ACMSD: variants seen among roughly 807,000 people sequenced by gnomAD.
ACMSD encodes 2-amino-3-carboxymuconate-6-semialdehyde decarboxylase.
ACMSD carries 37 observed loss-of-function variants against 45.9 expected under a neutral mutation model. The ratio of observed to expected loss-of-function variants is 0.81; its 90% CI spans 0.62 to 1.06. The LOEUF (loss-of-function observed/expected upper bound fraction) is 1.06, where lower values mean the gene tolerates loss of function less well. Ranked by LOEUF, ACMSD falls within the 50% of genes least tolerant of loss-of-function variation. The probability of loss-of-function intolerance (pLI) is 0.00; values close to 1 mark genes in which losing one functional copy is unlikely to be tolerated. For synonymous variants in ACMSD, 138 were observed against 148.8 expected (o/e 0.93, Z 0.53); for missense variants, 434 against 420.9 (o/e 1.03, Z -0.27).
At chr2:134,847,692 G>A (rs1310760304) in intron 2 of ACMSD, among the ~76,000 whole-genome samples, 4 of 152,016 alleles carry the variant, frequency 2.6e-5, no homozygotes, top group South Asian at 2.1e-4. Flanking sequence ...TCCCACTTAT[G>A]AGTGAGAACA....
chr2:134,839,873 G>C (rs929081428), intron 1 of ACMSD, among the ~76,000 whole-genome samples: 1 of 152,084 alleles, frequency 6.6e-6, no homozygotes, highest in African/African-American at 2.4e-5. Context: ...ATAGTTTACT[G>C]AAGTGTAAAC....
chr2:134,890,301 G>C (rs1689702133), intron 8 of ACMSD, among the ~76,000 whole-genome samples: 2 of 151,986 alleles, frequency 1.3e-5, no homozygotes, highest in East Asian at 1.9e-4. Context: ...TGCGTAATTT[G>C]TACACAATCA....
chr2:134,859,127 G>C (rs115858143), intron 2 of ACMSD, 134 bp from the exon 3 acceptor site: 430 of 748,146 alleles, frequency 5.7e-4, no homozygotes, highest in Non-Finnish European at 8.8e-4. Flanking sequence ...TTAAATTACT[G>C]ATTTCTACTT....
chr2:134,878,081 T>G (rs1688846678), intron 8 of ACMSD, among the ~76,000 whole-genome samples: 1 of 152,192 alleles, frequency 6.6e-6, no homozygotes, highest in Non-Finnish European at 1.5e-5. Flanking sequence ...AGGCTCCTCA[T>G]GTATACTTTC....
chr2:134,866,394 G>C (rs1688098034), intron 5 of ACMSD, among the ~76,000 whole-genome samples: 1 of 152,070 alleles, frequency 6.6e-6, no homozygotes, highest in Admixed American at 6.5e-5. Context: ...ATGCACCTTT[G>C]CCAAACCCAA....
intron 5 of ACMSD, among the ~76,000 whole-genome samples, chr2:134,867,037 G>A (rs1034060595): frequency 3.3e-5 from 5 of 152,216 alleles, no homozygotes; most frequent in African/African-American, 1.2e-4. Flanking sequence ...GGTCAGGCCA[G>A]CCAGCCCCAG....
chr2:134,847,062 G>C (rs1199428485), intron 2 of ACMSD, among the ~76,000 whole-genome samples: 3 of 152,192 alleles, frequency 2.0e-5, no homozygotes, highest in Non-Finnish European at 4.4e-5. Flanking sequence ...GAAAGGGGGA[G>C]ATAGTAGGAA....
chr2:134,872,666 G>T (rs1418759142), intron 8 of ACMSD, 25 bp downstream of exon 8: 2 of 1,613,428 alleles, frequency 1.2e-6, no homozygotes, highest in African/African-American at 1.3e-5. Context: ...CCACTTGGAT[G>T]GCTTATGGGG....
intron 2 of ACMSD, among the ~76,000 whole-genome samples, chr2:134,853,117 C>G (rs1439008048): frequency 6.8e-6 from 1 of 147,462 alleles, no homozygotes; most frequent in African/African-American, 2.5e-5. Flanking sequence ...GAGCCGAGAT[C>G]GCACCACTAC....
intron 8 of ACMSD, among the ~76,000 whole-genome samples, chr2:134,883,827 T>C (rs1689175661): frequency 2.0e-5 from 3 of 152,286 alleles, no homozygotes; most frequent in South Asian, 4.1e-4. Flanking sequence ...AAGTATTTAT[T>C]AGGCATCAAT....
chr2:134,839,009 A>G (rs1476838515), intron 1 of ACMSD, among the ~76,000 whole-genome samples: 1 of 152,216 alleles, frequency 6.6e-6, no homozygotes, highest in Non-Finnish European at 1.5e-5. Context: ...CAATTTAAAT[A>G]AGGCAGATTT....
chr2:134,895,054 C>G (rs1437663949), intron 8 of ACMSD, among the ~76,000 whole-genome samples: 1 of 151,798 alleles, frequency 6.6e-6, no homozygotes, highest in East Asian at 1.9e-4. Flanking sequence ...TGCTGTAATC[C>G]AAGCACTTTG....
intron 1 of ACMSD, among the ~76,000 whole-genome samples, chr2:134,844,818 T>C (rs1297316839): frequency 1.3e-5 from 2 of 151,872 alleles, no homozygotes; most frequent in Non-Finnish European, 2.9e-5. Flanking sequence ...CCCTATCCAC[T>C]AAACTGATAT....
intron 8 of ACMSD, among the ~76,000 whole-genome samples, chr2:134,894,097 A>C (rs1689952331): frequency 6.6e-6 from 1 of 152,150 alleles, no homozygotes; most frequent in Non-Finnish European, 1.5e-5. Flanking sequence ...CCAAGCAAGC[A>C]GAAAAATATA....
At chr2:134,843,099 C>A (rs899168324) in intron 1 of ACMSD, among the ~76,000 whole-genome samples, 12 of 152,312 alleles carry the variant, frequency 7.9e-5, no homozygotes, top group African/African-American at 1.2e-4. Flanking sequence ...GTCTTAAGTT[C>A]ACTCTAAAGT....
At position 134,863,718 on chromosome 2, in the gene ACMSD, C is replaced by T. The variant is rs892017407; in HGVS notation, c.486+87C>T. ...GGGTGCTGGCAGGGAGGAGGTGAAGCGTCACCCCACTGGGAGGGGAGAGCG... is the reference window on the plus strand; with the variant it reads ...GGGTGCTGGCAGGGAGGAGGTGAAGTGTCACCCCACTGGGAGGGGAGAGCG... On this transcript the variant is annotated intron_variant, in intron 5 of 9. Coordinates refer to ENST00000356140, the MANE Select transcript of ACMSD (RefSeq NM_138326.3). 108 of 1,354,234 alleles carry T rather than the reference C, an allele frequency of 8.0e-5. 1 individual carries two copies. In the South Asian group the frequency reaches 1.0e-3, roughly 13 times the overall value. 83.9% of individuals were successfully genotyped at this position (1,354,234 alleles called of 1,614,324 possible). A position where few individuals can be genotyped will look rare whatever the true frequency, so the allele number is the denominator to read the frequency against.
Position 134,898,446 on chromosome 2 carries a change from T to A in ACMSD, c.948+7T>A. The stretch of plus-strand genomic sequence containing the variant: ...ATTTGATGAAGAAACAAAGGTATAA[T>A]GTCTTTTACTTCACGGCTTTCTTAC... On this transcript the variant is annotated splice_region_variant and intron_variant, in intron 9 of 9. Transcript: ENST00000356140. 1 of 1,563,386 alleles carries A rather than the reference T, an allele frequency of 6.4e-7. No homozygotes were observed. Among genetic ancestry groups the A allele is most frequent in the Non-Finnish European group, 8.6e-7 (1 of 1,157,208 alleles).
chr2:134,859,400 G>A (rs751052499), intron 3 of ACMSD, 43 bp downstream of exon 3: 1 of 1,580,148 alleles, frequency 6.3e-7, no homozygotes, highest in South Asian at 1.1e-5. Flanking sequence ...TGATGTAAAA[G>A]CAATGTCTGC....
In ACMSD at chr2:134,870,962, C is replaced by T; in HGVS notation, c.581-3C>T. 6.2e-7 allele frequency: 1 copy of T among 1,613,492 alleles called. No individual in the cohort carries two copies. The highest frequency in any genetic ancestry group is 2.2e-5 in the East Asian group (1 of 44,866). ...TGAACCTTGTGACTATTTCCTCTTT[C>T]AGGAATGCCAGCAGAGACCACCATA... On this transcript the variant is annotated splice_region_variant and splice_polypyrimidine_tract_variant and intron_variant, in intron 6 of 9. Coordinates refer to ENST00000356140, the MANE Select transcript of ACMSD (RefSeq NM_138326.3).
Sources: allele counts gnomAD v4.1 joint callset (sites outside exome capture counted in the v4.1 genomes callset), GRCh38; gene constraint gnomAD v4.1.1; transcripts MANE v1.5; gene names NCBI Gene and HGNC (gene_info 2026-07-23, HGNC 2026-07-21).